PTPRS: variants seen among roughly 807,000 people sequenced by gnomAD.
PTPRS encodes protein tyrosine phosphatase receptor type S, also known as receptor-type tyrosine-protein phosphatase S.
In PTPRS, 63 loss-of-function variants were observed where a neutral mutation model predicts 215.3. That is an observed-to-expected ratio of 0.29 (90% CI 0.24 to 0.36). The LOEUF (loss-of-function observed/expected upper bound fraction) is 0.36. PTPRS is among the 10% of genes least tolerant of loss of function. The pLI is 1.00. For synonymous variants in PTPRS, 1,404 were observed against 1,191.4 expected, an observed-to-expected ratio of 1.18 and a Z score of -3.68; for missense variants, 2,258 against 2,825.8, an observed-to-expected ratio of 0.80 and a Z score of 4.56.
chr19:5,263,304 C>T (rs1316364695), intron 5 of PTPRS, among the ~76,000 whole-genome samples: 1 of 152,056 alleles, frequency 6.6e-6, no homozygotes, highest in Admixed American at 6.5e-5. Context: ...GCGATTTGTC[C>T]CCCCAGTGTG....
At chr19:5,279,711 C>G (rs945607826) in intron 2 of PTPRS, among the ~76,000 whole-genome samples, 1 of 151,790 alleles carries the variant, frequency 6.6e-6, no homozygotes, top group African/African-American at 2.4e-5. Flanking sequence ...GAGACAGAGT[C>G]TCACTGTGTC....
chr19:5,267,517 C>T (rs1022030233), intron 4 of PTPRS, among the ~76,000 whole-genome samples: 2 of 151,878 alleles, frequency 1.3e-5, no homozygotes, highest in African/African-American at 2.4e-5. Flanking sequence ...ATTAGCCAGG[C>T]ATGGTGGCGG....
rs187714899 is a variant in PTPRS, at chr19:5,294,639, T to C, written c.-94-8405A>G. 5 of 152,238 alleles carry C rather than the reference T, an allele frequency of 3.3e-5. No individual in the cohort carries two copies. The East Asian group carries it at 7.7e-4, about 24-fold the overall frequency. The allele number at this position is 152,238 out of a possible 1,614,324, so 9.4% of individuals were successfully genotyped here. On this transcript the variant is annotated intron_variant, in intron 1 of 37. Coordinates refer to ENST00000262963, the MANE Select transcript of PTPRS (RefSeq NM_002850.4). The surrounding 1 kb of genome is among the most constrained non-coding windows in gnomAD (Gnocchi z 5.1). ...CCTCAGTGGCTGGCTCCCATCTCCTTCAAACATCGAATAAATGCCTCCCTC... is the reference window on the plus strand; with the variant it reads ...CCTCAGTGGCTGGCTCCCATCTCCTCCAAACATCGAATAAATGCCTCCCTC...
At chr19:5,230,686 C>G (rs1332975337) in intron 14 of PTPRS, among the ~76,000 whole-genome samples, 1 of 152,170 alleles carries the variant, frequency 6.6e-6, no homozygotes, top group Non-Finnish European at 1.5e-5. Flanking sequence ...GTCTCAAACT[C>G]CGAGACTCAT....
chr19:5,308,571 C>T (rs551552580), intron 1 of PTPRS, among the ~76,000 whole-genome samples: 54 of 152,180 alleles, frequency 3.5e-4, no homozygotes, highest in African/African-American at 1.2e-3. Context: ...CCAAGCTTCA[C>T]CGACGCAGTC....
intron 9 of PTPRS, among the ~76,000 whole-genome samples, chr19:5,246,884 TGAGAGAGA>T (rs35986633): frequency 2.7e-5 from 4 of 146,956 alleles, no homozygotes; most frequent in African/African-American, 7.5e-5. Context: ...CAAAATAGAT[TGAGAGAGA>T]GAGAGAGAGA....
rs2041757272 is a variant in PTPRS at position 5,219,202 on chromosome 19, T to C, written c.3923+108A>G. On this transcript the variant is annotated intron_variant, in intron 23 of 37. Transcript: ENST00000262963. ...ACCTCTCTGAACTTCGGTTTCCCCATGTGTACAACAGAGACCTTTAGTGAT... is the reference window on the plus strand; with the variant it reads ...ACCTCTCTGAACTTCGGTTTCCCCACGTGTACAACAGAGACCTTTAGTGAT... 7 of 1,443,312 alleles carry C rather than the reference T, an allele frequency of 4.8e-6. No homozygotes were observed. In the South Asian group the frequency reaches 8.8e-5, roughly 18 times the overall value. 89.4% of individuals were successfully genotyped at this position (1,443,312 alleles called of 1,614,324 possible). A position where few individuals can be genotyped will look rare whatever the true frequency, so the allele number is the denominator to read the frequency against.
At chr19:5,273,231 C>T in intron 4 of PTPRS, 1 of 624,720 alleles carries the variant, frequency 1.6e-6, no homozygotes, top group South Asian at 2.0e-5. Flanking sequence ...ATTCTAGTCT[C>T]TCAATTCCTT....
Position 5,315,356 on chromosome 19 carries a change from T to C in PTPRS, c.-95+25308A>G, listed in dbSNP as rs1405660028. On this transcript the variant is annotated intron_variant, in intron 1 of 37. Transcript: ENST00000262963. Reference sequence around the variant, plus strand: ...AGAATTTTTATTTGAAAAGGGTTTTTTTTTTTTTTTTTTTTTTTTTTTTTT... The same window carrying C: ...AGAATTTTTATTTGAAAAGGGTTTTCTTTTTTTTTTTTTTTTTTTTTTTTT... Among the ~76,000 whole-genome samples the C allele has an allele frequency of 6.9e-3, 560 of 81,622 alleles. 66 individuals are homozygous for C. Among genetic ancestry groups the C allele is most frequent in the African/African-American group, 0.032 (512 of 15,798 alleles). The allele number at this position is 81,622 out of a possible 152,430, so 53.5% of individuals were successfully genotyped here. A position where few individuals can be genotyped will look rare whatever the true frequency, so the allele number is the denominator to read the frequency against.
chr19:5,314,189 T>C (rs575805348), intron 1 of PTPRS, among the ~76,000 whole-genome samples: 101 of 152,234 alleles, frequency 6.6e-4, no homozygotes, highest in African/African-American at 2.3e-3. Context: ...CAGTCTCTGC[T>C]CCTTGAACAC....
chr19:5,328,557 C>T (rs1600137068), intron 1 of PTPRS, among the ~76,000 whole-genome samples: 1 of 152,286 alleles, frequency 6.6e-6, no homozygotes, highest in South Asian at 2.1e-4. Flanking sequence ...TCTTGCCAGA[C>T]ACTACGGATA....
rs547548508 is a variant in PTPRS at position 5,244,774 on chromosome 19, A to G, written c.989-292T>C. On this transcript the variant is annotated intron_variant, in intron 10 of 37. Transcript: ENST00000262963. This position sits in a 1 kb window ranked among gnomAD's most constrained non-coding sequence, Gnocchi z 7.2. ...AAGCTCCGTCTCCCGGGTTCACACA[A>G]TTCTCCTGCCTCAGCCTCCCGAGTA... Among the ~76,000 whole-genome samples, 1 of 151,646 alleles carries G rather than the reference A, an allele frequency of 6.6e-6. No individual in the cohort carries two copies. The highest frequency in any genetic ancestry group is 2.4e-5 in the African/African-American group (1 of 41,214).
chr19:5,273,226 A>T, intron 4 of PTPRS: 1 of 604,520 alleles, frequency 1.7e-6, no homozygotes, highest in East Asian at 2.8e-5. Context: ...GGATGATTCT[A>T]GTCTCTCAAT....
chr19:5,206,847 G>A lies in PTPRS; in HGVS notation c.5779-5C>T. The A allele has an allele frequency of 6.2e-7, 1 of 1,613,982 alleles. No individual in the cohort carries two copies. The highest frequency in any genetic ancestry group is 8.5e-7 in the Non-Finnish European group (1 of 1,179,890). ...GTAACAGAACTGGTACTCATCCTGG[G>A]GGAGCAGAGGTGACCTGTTAGTACC... is the stretch of plus-strand genomic sequence containing the variant. On this transcript the variant is annotated splice_region_variant and splice_polypyrimidine_tract_variant and intron_variant, in intron 37 of 37. Coordinates refer to ENST00000262963, the MANE Select transcript of PTPRS (RefSeq NM_002850.4).
chr19:5,210,790 G>A lies in PTPRS; in HGVS notation c.5250C>T (p.Tyr1750=), dbSNP rs116188095. ...CCGCCAGCGGCCCCTGTGTCGCGAT[G>A]TAGGCCTTCTGCTGCCTGCAGGCGT... The part of the protein sequence containing the change: ...FIDGYRQQKA[Y]IATQGPLAET... The change falls in exon 34 of 38, where the codon TAC becomes TAT. Residue 1750 remains tyrosine, a synonymous_variant. Coordinates refer to ENST00000262963, the MANE Select transcript of PTPRS (RefSeq NM_002850.4). The surrounding 1 kb of genome is among the most constrained non-coding windows in gnomAD (Gnocchi z 4.5). 1.9e-6 allele frequency: 3 copies of A among 1,613,818 alleles called. No individual in the cohort carries two copies. The East Asian group carries it at 6.7e-5, about 36-fold the overall frequency.
intron 1 of PTPRS, among the ~76,000 whole-genome samples, chr19:5,328,562 C>A (rs75673554): frequency 4.6e-5 from 7 of 152,112 alleles, no homozygotes; most frequent in Non-Finnish European, 1.0e-4. Flanking sequence ...CCAGACACTA[C>A]GGATATTCAT....
intron 5 of PTPRS, among the ~76,000 whole-genome samples, chr19:5,264,598 A>G (rs2046267298): frequency 1.3e-5 from 2 of 152,188 alleles, no homozygotes; most frequent in South Asian, 4.1e-4. Context: ...GGCATAAGCC[A>G]CTGCGCCCAG....
intron 1 of PTPRS, among the ~76,000 whole-genome samples, chr19:5,307,236 A>T (rs987478300): frequency 2.6e-5 from 4 of 152,256 alleles, no homozygotes; most frequent in African/African-American, 7.2e-5. Flanking sequence ...TGAACTCAGG[A>T]GGCAGAGGCT....
In PTPRS at chr19:5,332,886, C is replaced by A. The variant is rs146497787; in HGVS notation, c.-95+7778G>T. Among the ~76,000 whole-genome samples, 29 of 152,376 alleles carry A rather than the reference C, an allele frequency of 1.9e-4. No homozygotes were observed. The East Asian group carries it at 5.6e-3, about 29-fold the overall frequency. ...GCAATTTGTTAGACGCGGTGGCTCA[C>A]GCCTGTAATCCCGGCACTTTGGGAG... On this transcript the variant is annotated intron_variant, in intron 1 of 37. Transcript: ENST00000262963.
Sources: allele counts gnomAD v4.1 joint callset (sites outside exome capture counted in the v4.1 genomes callset), GRCh38; gene constraint gnomAD v4.1.1; non-coding constraint Gnocchi (gnomAD v3.1); transcripts MANE v1.5; gene names NCBI Gene and HGNC (gene_info 2026-07-23, HGNC 2026-07-21).